NFIB: variants seen among roughly 807,000 people sequenced by gnomAD.
The protein encoded by NFIB is nuclear factor 1 B-type.
In NFIB, 11 loss-of-function variants were observed where a neutral mutation model predicts 61.5. That is an observed-to-expected ratio of 0.18 (90% CI 0.11 to 0.30). The LOEUF is 0.30. NFIB is among the 10% of genes least tolerant of loss of function. The pLI is 1.00. For synonymous variants in NFIB, 260 were observed against 216.5 expected, an observed-to-expected ratio of 1.20 and a Z score of -1.76; for missense variants, 471 against 608.9, an observed-to-expected ratio of 0.77 and a Z score of 2.38.
At chr9:14,304,258 C>A (rs1588236163) in intron 2 of NFIB, among the ~76,000 whole-genome samples, 1 of 152,106 alleles carries the variant, frequency 6.6e-6, no homozygotes, top group Non-Finnish European at 1.5e-5. Context: ...TGGGTTGAAC[C>A]AAAAGAGAAA....
chr9:14,314,135 C>T lies in NFIB; in HGVS notation c.-624G>A, dbSNP rs913913414. On this transcript the variant is annotated 5_prime_UTR_variant, in exon 1 of 11. Transcript: ENST00000380953. ...GTGTGTGCGCGAGGGGCAGCGTGAG[C>T]GAGTGCGCGCGGGTGGCGGGGCGCG... 1.0e-6 allele frequency: 1 copy of T among 965,968 alleles called. No individual in the cohort carries two copies. The allele number at this position is 965,968 out of a possible 1,614,324, so 59.8% of individuals were successfully genotyped here.
intron 1 of NFIB, among the ~76,000 whole-genome samples, chr9:14,322,779 G>C (rs373512698): frequency 6.6e-6 from 1 of 151,582 alleles, no homozygotes; most frequent in Non-Finnish European, 1.5e-5. Context: ...CGCCCCTCTC[G>C]AGCGTGGGTG....
intron 1 of NFIB, among the ~76,000 whole-genome samples, chr9:14,346,939 C>T (rs1354503589): frequency 1.3e-5 from 2 of 152,084 alleles, no homozygotes; most frequent in Non-Finnish European, 2.9e-5. Context: ...GTAAGAGGCA[C>T]TTACTGTGAG....
chr9:14,296,971 TTTC>T (rs951911204), intron 2 of NFIB, among the ~76,000 whole-genome samples: 4 of 152,366 alleles, frequency 2.6e-5, no homozygotes, highest in Admixed American at 6.5e-5. Flanking sequence ...CCTTTCTCTT[TTTC>T]TTCTAACTTC....
chr9:14,316,110 CT>C (rs1039387779), upstream of NFIB, among the ~76,000 whole-genome samples: 19 of 152,308 alleles, frequency 1.2e-4, no homozygotes, highest in African/African-American at 4.3e-4. Flanking sequence ...GAACCAGTGA[CT>C]TTTTCCTTCA....
intron 2 of NFIB, among the ~76,000 whole-genome samples, chr9:14,211,357 C>A (rs1281812879): frequency 6.6e-6 from 1 of 151,748 alleles, no homozygotes; most frequent in Non-Finnish European, 1.5e-5. Context: ...TATCCTAGAT[C>A]GATAGTAAGA....
chr9:14,140,495 C>G (rs1158308254), intron 6 of NFIB, among the ~76,000 whole-genome samples: 1 of 152,178 alleles, frequency 6.6e-6, no homozygotes, highest in Admixed American at 6.5e-5. Flanking sequence ...TGGATATTCA[C>G]AGCACACAGT....
the NFIB span, among the ~76,000 whole-genome samples, chr9:14,493,130 T>G: frequency 6.6e-6 from 1 of 152,212 alleles, no homozygotes; most frequent in South Asian, 2.1e-4. Context: ...CTCTCTCTTT[T>G]ATTACAGCAC....
upstream of NFIB, among the ~76,000 whole-genome samples, chr9:14,315,113 T>C (rs1292947655): frequency 1.3e-5 from 2 of 151,884 alleles, no homozygotes; most frequent in Non-Finnish European, 2.9e-5. Context: ...CTGAGCGAAC[T>C]TGGGCTCAAG....
At chr9:14,421,084 C>CAAAAA in the NFIB span, among the ~76,000 whole-genome samples, 4 of 135,818 alleles carry the variant, frequency 2.9e-5, no homozygotes, top group Admixed American at 7.2e-5. Flanking sequence ...GGATCTTTGG[C>CAAAAA]AAAAAAAAAA....
At position 14,365,857 on chromosome 9, in the gene NFIB, G is replaced by T. The variant is rs952634081; in HGVS notation, c.108+32667C>A. Among the ~76,000 whole-genome samples the T allele has an allele frequency of 2.6e-5, 4 of 152,138 alleles. No individual in the cohort carries two copies. The South Asian group carries it at 6.2e-4, about 24-fold the overall frequency. ...CTAACGTGAGACCAAAAACTATGGA[G>T]TAAGAGCAAAACCTCCCAAACTGTA... On this transcript the variant is annotated intron_variant, in intron 1 of 8. Transcript: ENST00000380934.
chr9:14,357,545 AG>A (rs1361411929), intron 1 of NFIB: 2 of 152,228 alleles, frequency 1.3e-5, no homozygotes, highest in Admixed American at 1.3e-4. Flanking sequence ...CCAATATTCA[AG>A]AGGTTTGAAA....
At chr9:14,473,789 T>G in the NFIB span, among the ~76,000 whole-genome samples, 4 of 152,178 alleles carry the variant, frequency 2.6e-5, no homozygotes, top group African/African-American at 9.7e-5. Flanking sequence ...CCCGCATGAT[T>G]TTTTTATGTC....
chr9:14,520,629 C>A, the NFIB span, among the ~76,000 whole-genome samples: 9 of 152,220 alleles, frequency 5.9e-5, no homozygotes, highest in African/African-American at 2.2e-4. Context: ...TGAAGCACTT[C>A]TGTGCAGATA....
intron 3 of NFIB, among the ~76,000 whole-genome samples, chr9:14,167,078 TGTGTC>T (rs1295680458): frequency 1.2e-5 from 1 of 84,706 alleles, no homozygotes; most frequent in Admixed American, 1.2e-4. Flanking sequence ...GTTGTGTGTG[TGTGTC>T]GGGGGGGGGG....
At chr9:14,182,390 G>C (rs1202262802) in intron 2 of NFIB, among the ~76,000 whole-genome samples, 1 of 152,162 alleles carries the variant, frequency 6.6e-6, no homozygotes, top group African/African-American at 2.4e-5. Context: ...GGCCCTCTCA[G>C]TGAGCAAATG....
rs1025576739 is a variant in NFIB, at chr9:14,170,765, G to A, written c.616+8962C>T. ...TGACTCAGACGTCTTTTCACATGAGGATTCTGACCCTCCCTTAAGGGGAAC... is the reference window on the plus strand; with the variant it reads ...TGACTCAGACGTCTTTTCACATGAGAATTCTGACCCTCCCTTAAGGGGAAC... On this transcript the variant is annotated intron_variant, in intron 3 of 10. Coordinates refer to ENST00000380953, the MANE Select transcript of NFIB (RefSeq NM_001190737.2). Among the ~76,000 whole-genome samples the A allele has an allele frequency of 3.9e-5, 6 of 152,268 alleles. No individual in the cohort carries two copies. In the East Asian group the frequency reaches 1.2e-3, roughly 29 times the overall value.
intron 2 of NFIB, among the ~76,000 whole-genome samples, chr9:14,244,561 C>T (rs1038643929): frequency 1.3e-5 from 2 of 152,056 alleles, no homozygotes; most frequent in Admixed American, 6.6e-5. Context: ...TAGACAGATC[C>T]CCACCAAAAA....
chr9:14,375,014 G>A (rs759429766), intron 1 of NFIB, among the ~76,000 whole-genome samples: 22 of 152,290 alleles, frequency 1.4e-4, no homozygotes, highest in Non-Finnish European at 2.6e-4. Context: ...TGAATGTCAC[G>A]TTTATTTTAT....
Sources: gnomAD v4.1 joint callset for allele counts (sites outside exome capture counted in the v4.1 genomes callset) on GRCh38, gnomAD v4.1.1 for gene constraint, MANE v1.5 for transcripts, NCBI Gene and HGNC (gene_info 2026-07-23, HGNC 2026-07-21) for gene names.